The following OR2T10 variants were observed in gnomAD, a reference collection of about 807,000 sequenced individuals.
OR2T10 encodes olfactory receptor family 2 subfamily T member 10.
For missense variants in OR2T10, 335 were observed against 382.5 expected (o/e 0.88, Z 1.04); for synonymous variants, 125 against 141.8 (o/e 0.88, Z 0.84).
rs183270860 is a variant in OR2T10 at position 248,595,293 on chromosome 1, G to A, written c.-28-1497C>T. Among the ~76,000 whole-genome samples the A allele has an allele frequency of 6.3e-5, 9 of 143,312 alleles. 1 individual carries two copies. Among genetic ancestry groups the A allele is most frequent in the African/African-American group, 2.5e-4 (9 of 36,504 alleles). 94.0% of individuals were successfully genotyped at this position (143,312 alleles called of 152,430 possible). A position where few individuals can be genotyped will look rare whatever the true frequency, so the allele number is the denominator to read the frequency against. On this transcript the variant is annotated intron_variant, in intron 1 of 1. Transcript: ENST00000642090. ...CATTAATGTTCAATATATTAATAAC[G>A]TGTCAAATGTTTATTTAAATCAGAC...
Position 248,597,640 on chromosome 1 carries a change from G to A in OR2T10, c.-177C>T, listed in dbSNP as rs572841382. The A allele has an allele frequency of 6.3e-5, 9 of 143,360 alleles. 2 individuals are homozygous for A. The highest frequency in any genetic ancestry group is 4.4e-4 in the South Asian group (2 of 4,548). 8.9% of individuals were successfully genotyped at this position (143,360 alleles called of 1,614,324 possible). A position where few individuals can be genotyped will look rare whatever the true frequency, so the allele number is the denominator to read the frequency against. On this transcript the variant is annotated 5_prime_UTR_variant, in exon 1 of 2. Coordinates refer to ENST00000642090, the MANE Select transcript of OR2T10 (RefSeq NM_001004693.2). The stretch of plus-strand genomic sequence containing the variant: ...GTGAAACACCAGCCTGCTTTTCTGC[G>A]AAAGGGTTTCAGATGATGAAACACT...
In OR2T10 at chr1:248,593,151, C is replaced by G. The variant is rs1553270104; in HGVS notation, c.618G>C (p.Met206Ile). The G allele has an allele frequency of 6.4e-7, 1 of 1,572,504 alleles. No homozygotes were observed. Among genetic ancestry groups the G allele is most frequent in the Non-Finnish European group, 8.6e-7 (1 of 1,156,358 alleles). Residue 206 changes from methionine (M) to isoleucine (I), a missense_variant, in exon 2 of 2, where the codon ATG (methionine) becomes ATC (isoleucine). Transcript: ENST00000642090. ...AAATGACCGTCACAGGTATCAGGAG[C>G]ATGATGACACAGCACAAGTACATGA... is the stretch of plus-strand genomic sequence containing the variant. ...KIFMYLCCVIMLLIPVTVISV... is the reference protein window; with the variant it reads ...KIFMYLCCVIILLIPVTVISV...
In OR2T10 at chr1:248,593,022, G is replaced by C. The variant is rs747181762; in HGVS notation, c.747C>G (p.Ser249Arg). Residue 249 changes from serine (S) to arginine (R), a missense_variant, in exon 2 of 2, where the codon AGC (serine) becomes AGG (arginine). By Grantham distance (110) the Ser-to-Arg change is moderately radical. Transcript: ENST00000642090. The stretch of plus-strand genomic sequence containing the variant: ...TGTAAATAGCAGCTCCATAGAAGAG[G>C]CTGACCACTGTAATGTGGGAGGAGC... ...TTCSSHITVV[S>R]LFYGAAIYNY... 1.9e-6 allele frequency: 3 copies of C among 1,572,294 alleles called. No homozygotes were observed. In the South Asian group the frequency reaches 3.4e-5, roughly 18 times the overall value.
At chr1:248,593,877 A>C in intron 1 of OR2T10, 81 bp from the exon 2 acceptor site, 1 of 608,826 alleles carries the variant, frequency 1.6e-6, no homozygotes, top group East Asian at 2.9e-5. Context: ...CCTTTTAAAA[A>C]TCAATGTGAA....
At chr1:248,594,537 A>G (rs1163068514) in intron 1 of OR2T10, among the ~76,000 whole-genome samples, 1 of 143,204 alleles carries the variant, frequency 7.0e-6, no homozygotes, top group Non-Finnish European at 1.5e-5. Context: ...CATAATTTCC[A>G]TCAAGATGTT....
chr1:248,595,367 A>G lies in OR2T10; in HGVS notation c.-28-1571T>C, dbSNP rs528724966. On this transcript the variant is annotated intron_variant, in intron 1 of 1. Transcript: ENST00000642090. ...CAGCTTTTCTTATGTAACCTTTTAC[A>G]TTGTAATGTACACTTTATATTTTTT... Among the ~76,000 whole-genome samples, 3 of 143,676 alleles carry G rather than the reference A, an allele frequency of 2.1e-5. 1 individual carries two copies. In the East Asian group the frequency reaches 6.0e-4, roughly 29 times the overall value. The allele number at this position is 143,676 out of a possible 152,430, so 94.3% of individuals were successfully genotyped here.
Position 248,593,080 on chromosome 1 carries a change from G to A in OR2T10, c.689C>T (p.Ser230Leu), listed in dbSNP as rs1440389756. 6.4e-7 allele frequency: 1 copy of A among 1,572,048 alleles called. No individual in the cohort carries two copies. The highest frequency in any genetic ancestry group is 2.3e-5 in the East Asian group (1 of 43,654). The stretch of plus-strand genomic sequence containing the variant: ...GAAGGCCTTTTTCCGACCCTCAACT[G>A]AGTTCATCTTATGGATGGTGAGGAT... ...YIILTIHKMN[S>L]VEGRKKAFTT... Residue 230 changes from serine to leucine, a missense_variant, in exon 2 of 2, where the codon TCA (serine) becomes TTA (leucine). Coordinates refer to ENST00000642090, the MANE Select transcript of OR2T10 (RefSeq NM_001004693.2).
At chr1:248,595,253 AAT>A (rs1215221861) in intron 1 of OR2T10, among the ~76,000 whole-genome samples, 5 of 143,704 alleles carry the variant, frequency 3.5e-5, no homozygotes, top group East Asian at 4.0e-4. Flanking sequence ...TTATAAAATG[AAT>A]AGTTTTAGAT....
In OR2T10 at chr1:248,593,096, T is replaced by C; in HGVS notation, c.673A>G (p.Ile225Val). ...SVSYYYIILT[I>V]HKMNSVEGRK... ...CCCTCAACTGAGTTCATCTTATGGA[T>C]GGTGAGGATGATATAGTAGTAAGAC... The change falls in exon 2 of 2, where the codon ATC becomes GTC. Residue 225 changes from isoleucine (I) to valine (V), a missense_variant. Ile to Val is a conservative substitution (Grantham distance 29). Transcript: ENST00000642090. 3 of 1,572,786 alleles carry C rather than the reference T, an allele frequency of 1.9e-6. No individual in the cohort carries two copies. Among genetic ancestry groups the C allele is most frequent in the South Asian group, 1.1e-5 (1 of 88,870 alleles).
Position 248,592,986 on chromosome 1 carries a change from G to A in OR2T10, c.783C>T (p.Leu261=). Residue 261 remains leucine (L), a synonymous_variant, in exon 2 of 2, where the codon CTC becomes CTT. Transcript: ENST00000642090. ...TCTCAGGAGTTTGGTAGGAGCTGGG[G>A]AGCATGTAGTTGTAAATAGCAGCTC... is the stretch of plus-strand genomic sequence containing the variant. ...FYGAAIYNYM[L]PSSYQTPEKD... is the part of the protein sequence containing the mutation. 1 of 1,572,632 alleles carries A rather than the reference G, an allele frequency of 6.4e-7. No homozygotes were observed. Among genetic ancestry groups the A allele is most frequent in the South Asian group, 1.1e-5 (1 of 88,880 alleles).
At chr1:248,596,142 G>C (rs1301784014) in intron 1 of OR2T10, among the ~76,000 whole-genome samples, 2 of 143,574 alleles carry the variant, frequency 1.4e-5, no homozygotes, top group Non-Finnish European at 3.0e-5. Context: ...TCAGGAAGTA[G>C]GCGCAAAAGG....
At chr1:248,594,373 A>ATAC (rs1413389071) in intron 1 of OR2T10, among the ~76,000 whole-genome samples, 3 of 143,802 alleles carry the variant, frequency 2.1e-5, no homozygotes, top group African/African-American at 8.2e-5. Context: ...AATTTAGTCA[A>ATAC]ATTTCTTTAA....
At chr1:248,597,092 G>T (rs533492410) in intron 1 of OR2T10, among the ~76,000 whole-genome samples, 3 of 143,660 alleles carry the variant, frequency 2.1e-5, no homozygotes, top group Admixed American at 1.4e-4. Context: ...GGAGGAAAAG[G>T]CTCAAGATCT....
At chr1:248,596,563 C>T (rs73134431) in intron 1 of OR2T10, among the ~76,000 whole-genome samples, 10,572 of 142,934 alleles carry the variant, frequency 0.074, 2,925 homozygotes, top group African/African-American at 0.28. Context: ...AACAAAACTC[C>T]CCTTAACCAA....
chr1:248,592,791 ACT>A lies in OR2T10; in HGVS notation c.*37_*38del, dbSNP rs1343584494. On this transcript the variant is annotated 3_prime_UTR_variant, in exon 2 of 2. Transcript: ENST00000642090. ...GGAAGGACACCTAAAGTGAAGAGAG[ACT>A]CTAAGAAGAGAGGACCAACTTAAGT... The A allele has an allele frequency of 5.1e-6, 6 of 1,182,328 alleles. 1 individual carries two copies. The highest frequency in any genetic ancestry group is 3.6e-5 in the African/African-American group (2 of 56,326). 73.2% of individuals were successfully genotyped at this position (1,182,328 alleles called of 1,614,324 possible). A position where few individuals can be genotyped will look rare whatever the true frequency, so the allele number is the denominator to read the frequency against.
chr1:248,596,383 A>G (rs1444753362), intron 1 of OR2T10, among the ~76,000 whole-genome samples: 2 of 143,022 alleles, frequency 1.4e-5, no homozygotes, highest in South Asian at 2.2e-4. Context: ...AATGAGTATA[A>G]TTATGCAAAT....
At position 248,592,900 on chromosome 1, in the gene OR2T10, T is replaced by C. The variant is rs1433671886; in HGVS notation, c.869A>G (p.Tyr290Cys). 1.3e-6 allele frequency: 2 copies of C among 1,568,786 alleles called. No homozygotes were observed. The highest frequency in any genetic ancestry group is 1.7e-6 in the Non-Finnish European group (2 of 1,153,106). The change falls in exon 2 of 2, where the codon TAC (tyrosine) becomes TGC (cysteine). Residue 290 changes from tyrosine (Y) to cysteine (C), a missense_variant. By Grantham distance (194) the Tyr-to-Cys change is radical (BLOSUM62 -2). Transcript: ENST00000642090. ...TGTGACATCCTTATTCCTGAAACTG[T>C]AAATGATAGGATTCAAGACAGGTGT... ...ILTPVLNPII[Y>C]SFRNKDVTRA...
intron 1 of OR2T10, among the ~76,000 whole-genome samples, chr1:248,595,617 T>C (rs1455299777): frequency 7.0e-6 from 1 of 143,290 alleles, no homozygotes; most frequent in Non-Finnish European, 1.5e-5. Flanking sequence ...ACTTAATGTA[T>C]TTTCAGTAAA....
At position 248,593,052 on chromosome 1, in the gene OR2T10, G is replaced by A; in HGVS notation, c.717C>T (p.Thr239=). The stretch of plus-strand genomic sequence containing the variant: ...CCACTGTAATGTGGGAGGAGCAGGT[G>A]GTGAAGGCCTTTTTCCGACCCTCAA... ...NSVEGRKKAF[T]TCSSHITVVS... is the part of the protein sequence containing the mutation. The change falls in exon 2 of 2, where the codon ACC becomes ACT. Residue 239 remains threonine, a synonymous_variant. Transcript: ENST00000642090. 2 of 1,571,538 alleles carry A rather than the reference G, an allele frequency of 1.3e-6. No homozygotes were observed. The highest frequency in any genetic ancestry group is 1.7e-6 in the Non-Finnish European group (2 of 1,155,720).
Sources: gnomAD v4.1 joint callset for allele counts (sites outside exome capture counted in the v4.1 genomes callset) on GRCh38, gnomAD v4.1.1 for gene constraint, MANE v1.5 for transcripts, NCBI Gene and HGNC (gene_info 2026-07-23, HGNC 2026-07-21) for gene names.